USH2A: variants seen among roughly 807,000 people sequenced by gnomAD.
USH2A encodes Usher syndrome 2A (autosomal recessive, mild).
USH2A carries 443 observed loss-of-function variants against 538.9 expected under a neutral mutation model. That is an observed-to-expected ratio of 0.82 (90% CI 0.76 to 0.89). The LOEUF (loss-of-function observed/expected upper bound fraction) is 0.89. Among genes scored for constraint, USH2A ranks in the 40% least tolerant of loss-of-function variants. USH2A has a pLI of 0.00. For missense variants in USH2A, 6,633 were observed against 6,324.8 expected (o/e 1.05, Z -1.65); for synonymous variants, 2,413 against 2,273.5 (o/e 1.06, Z -1.75).
intron 11 of USH2A, among the ~76,000 whole-genome samples, chr1:216,283,198 C>T (rs1027023389): frequency 1.3e-5 from 2 of 152,012 alleles, no homozygotes; most frequent in African/African-American, 4.8e-5. Flanking sequence ...ACCATTCTCC[C>T]ACCTCAGCCT....
rs1051143873 is a variant in USH2A at position 215,759,552 on chromosome 1, A to C, written c.11231+108T>G. On this transcript the variant is annotated intron_variant, in intron 57 of 71. Coordinates refer to ENST00000307340, the MANE Select transcript of USH2A (RefSeq NM_206933.4). ...GTTATTGAATGGCCAATGAATGAGG[A>C]AGTTAATTAAACAATTTAACAACTT... 36 of 1,349,048 alleles carry C rather than the reference A, an allele frequency of 2.7e-5. 1 individual carries two copies. The highest frequency in any genetic ancestry group is 3.7e-5 in the Non-Finnish European group (35 of 954,994). The allele number at this position is 1,349,048 out of a possible 1,614,324, so 83.6% of individuals were successfully genotyped here. A position where few individuals can be genotyped will look rare whatever the true frequency, so the allele number is the denominator to read the frequency against.
chr1:215,787,935 T>C (rs1436398304), intron 51 of USH2A, among the ~76,000 whole-genome samples: 1 of 152,182 alleles, frequency 6.6e-6, no homozygotes, highest in South Asian at 2.1e-4. Context: ...TCCCAGCTAC[T>C]TGGCAGGTTG....
intron 64 of USH2A, among the ~76,000 whole-genome samples, chr1:215,657,861 G>T (rs536936624): frequency 7.2e-5 from 11 of 151,920 alleles, no homozygotes; most frequent in African/African-American, 2.4e-4. Flanking sequence ...TGTGAATATG[G>T]TTCTCCTCTA....
intron 38 of USH2A, among the ~76,000 whole-genome samples, chr1:215,929,348 T>C (rs1362803575): frequency 1.3e-5 from 2 of 152,220 alleles, no homozygotes; most frequent in African/African-American, 4.8e-5. Flanking sequence ...TGGAGGAGGA[T>C]GCTGAAGGTA....
At chr1:216,312,422 T>C (rs1391032226) in intron 9 of USH2A, among the ~76,000 whole-genome samples, 1 of 152,176 alleles carries the variant, frequency 6.6e-6, no homozygotes, top group Non-Finnish European at 1.5e-5. Context: ...TTCCCCATTA[T>C]ATGTATTTAC....
intron 37 of USH2A, among the ~76,000 whole-genome samples, chr1:215,955,886 CTG>C (rs1462533719): frequency 6.6e-6 from 1 of 152,118 alleles, no homozygotes; most frequent in African/African-American, 2.4e-5. Flanking sequence ...CCTCATAACT[CTG>C]TATAATGATA....
chr1:216,144,924 C>T (rs1004558034), intron 21 of USH2A, among the ~76,000 whole-genome samples: 48 of 152,294 alleles, frequency 3.2e-4, no homozygotes, highest in Non-Finnish European at 5.9e-4. Flanking sequence ...TGCATATTCA[C>T]ACCAGGACTT....
At chr1:215,694,175 A>C (rs1470393332) in intron 61 of USH2A, among the ~76,000 whole-genome samples, 1 of 152,214 alleles carries the variant, frequency 6.6e-6, no homozygotes, top group Admixed American at 6.5e-5. Flanking sequence ...TGTACAAGAT[A>C]AGACAATCCA....
At chr1:216,118,690 T>C (rs2033063748) in intron 21 of USH2A, among the ~76,000 whole-genome samples, 1 of 152,256 alleles carries the variant, frequency 6.6e-6, no homozygotes, top group South Asian at 2.1e-4. Flanking sequence ...AACATGCTTC[T>C]TGTTCACTTT....
chr1:215,648,407 C>A, intron 66 of USH2A, 121 bp downstream of exon 66: 1 of 1,041,102 alleles, frequency 9.6e-7, no homozygotes. Flanking sequence ...CAAGTCCTCC[C>A]TGGGGAGTGC....
In USH2A at chr1:215,903,676, A is replaced by G. The variant is rs548613787; in HGVS notation, c.7301-2771T>C. ...CAGATGAAGATGTAGAGCAGTGAGT[A>G]GATTCAGTGATGGAATAATAGCAAA... On this transcript the variant is annotated intron_variant, in intron 38 of 71. Transcript: ENST00000307340. Among the ~76,000 whole-genome samples, 53 of 152,258 alleles carry G rather than the reference A, an allele frequency of 3.5e-4. 1 individual carries two copies. The South Asian group carries it at 0.01, about 30-fold the overall frequency.
At chr1:215,634,425 A>G (rs1198899128) in intron 70 of USH2A, 34 bp downstream of exon 70, 1 of 1,614,088 alleles carries the variant, frequency 6.2e-7, no homozygotes, top group South Asian at 1.1e-5. Context: ...TAGTCCAGTG[A>G]TAGGGAAATG....
At chr1:216,254,570 T>C (rs2036224769) in intron 11 of USH2A, among the ~76,000 whole-genome samples, 1 of 152,342 alleles carries the variant, frequency 6.6e-6, no homozygotes, top group Non-Finnish European at 1.5e-5. Context: ...GAGTTCATTC[T>C]TTCTTGCTGG....
intron 11 of USH2A, among the ~76,000 whole-genome samples, chr1:216,278,857 T>C (rs2036719247): frequency 6.6e-6 from 1 of 152,190 alleles, no homozygotes; most frequent in African/African-American, 2.4e-5. Flanking sequence ...ATTAATGAAC[T>C]GCAGAAAAAT....
At chr1:216,185,110 C>T (rs941074183) in intron 20 of USH2A, among the ~76,000 whole-genome samples, 3 of 151,848 alleles carry the variant, frequency 2.0e-5, no homozygotes, top group Non-Finnish European at 4.4e-5. Context: ...TTTAAGAGGG[C>T]CCAGTTCATC....
intron 11 of USH2A, among the ~76,000 whole-genome samples, chr1:216,286,245 T>C (rs2036881484): frequency 6.6e-6 from 1 of 152,104 alleles, no homozygotes; most frequent in African/African-American, 2.4e-5. Flanking sequence ...GGGGGCAGTT[T>C]CCCCCATTCT....
intron 41 of USH2A, among the ~76,000 whole-genome samples, chr1:215,880,061 T>C (rs957959221): frequency 6.6e-6 from 1 of 152,188 alleles, no homozygotes; most frequent in African/African-American, 2.4e-5. Context: ...GGAGTTCAGT[T>C]AGTAATTAGA....
intron 9 of USH2A, among the ~76,000 whole-genome samples, chr1:216,293,683 T>C (rs1230693703): frequency 6.6e-6 from 1 of 152,232 alleles, no homozygotes; most frequent in African/African-American, 2.4e-5. Flanking sequence ...CTTTTTTGAA[T>C]ATCTGTGTTT....
intron 32 of USH2A, among the ~76,000 whole-genome samples, chr1:216,008,872 C>T (rs902113570): frequency 4.6e-5 from 7 of 152,096 alleles, no homozygotes; most frequent in African/African-American, 7.2e-5. Context: ...GCGCCAGTCA[C>T]GGACTGGGAA....
Sources: gnomAD v4.1 joint callset for allele counts (sites outside exome capture counted in the v4.1 genomes callset) on GRCh38, gnomAD v4.1.1 for gene constraint, MANE v1.5 for transcripts, NCBI Gene and HGNC (gene_info 2026-07-23, HGNC 2026-07-21) for gene names.